Variants in TENM2 observed in about 807,000 individuals in gnomAD.
TENM2 encodes the protein teneurin transmembrane protein 2, also known as teneurin-2.
Under a neutral mutation model 245.2 loss-of-function variants are expected in TENM2, and 52 were observed. The ratio of observed to expected loss-of-function variants is 0.21; its 90% CI spans 0.17 to 0.27. TENM2 has a LOEUF of 0.27. Ranked by LOEUF, TENM2 falls within the 10% of genes least tolerant of loss-of-function variation. The pLI, the probability that TENM2 is intolerant of heterozygous loss-of-function variation, is 1.00. For missense variants in TENM2, 3,046 were observed against 3,666.8 expected, an observed-to-expected ratio of 0.83 and a Z score of 4.37; for synonymous variants, 1,363 against 1,438.9, an observed-to-expected ratio of 0.95 and a Z score of 1.19.
the TENM2 span, among the ~76,000 whole-genome samples, chr5:167,242,897 G>A: frequency 6.6e-6 from 1 of 152,074 alleles, no homozygotes; most frequent in African/African-American, 2.4e-5. Context: ...ATGTTTGTGT[G>A]TAGACGAAAA....
At chr5:167,716,112 T>C (rs965571507) in intron 2 of TENM2, among the ~76,000 whole-genome samples, 4 of 152,176 alleles carry the variant, frequency 2.6e-5, no homozygotes, top group African/African-American at 9.7e-5. Flanking sequence ...TGGAGGAGCA[T>C]GGCCCCCCAT....
chr5:168,068,212 G>A (rs1009693998), intron 7 of TENM2, among the ~76,000 whole-genome samples: 1 of 152,126 alleles, frequency 6.6e-6, no homozygotes. Context: ...TGTGAAGGGT[G>A]CACAGGAGGG....
exon 21 of TENM2, chr5:168,215,265 C>A: frequency 6.2e-7 from 1 of 1,613,414 alleles, no homozygotes; most frequent in East Asian, 2.2e-5. Flanking sequence ...CCCTGATGAG[C>A]CCGAGAGGTA....
intron 2 of TENM2, among the ~76,000 whole-genome samples, chr5:167,472,928 T>C (rs764639161): frequency 4.6e-5 from 7 of 152,176 alleles, no homozygotes; most frequent in Non-Finnish European, 8.8e-5. Context: ...TGACTTTCAG[T>C]GTGACCTTGA....
At chr5:168,043,328 AT>A (rs1163115815) in intron 5 of TENM2, among the ~76,000 whole-genome samples, 2 of 152,142 alleles carry the variant, frequency 1.3e-5, no homozygotes, top group African/African-American at 4.8e-5. Context: ...GCCTCAGGCA[AT>A]CCTCTTGCCT....
In TENM2 at chr5:167,741,628, G is replaced by A. The variant is rs144005046; in HGVS notation, c.503-134358G>A. 4.3e-4 allele frequency among the ~76,000 whole-genome samples: 65 copies of A among 152,214 alleles called. 1 individual carries two copies. The East Asian group carries it at 0.012, about 28-fold the overall frequency. On this transcript the variant is annotated intron_variant, in intron 2 of 28. Coordinates refer to ENST00000518659, the Ensembl canonical transcript of TENM2. ...GCATCTCCCCTGATTTTCAGATTCT[G>A]CTATCACCTCAGCTTCAACATATTG...
chr5:168,219,111 C>CTT, intron 23 of TENM2, 112 bp downstream of exon 25: 1 of 1,098,276 alleles, frequency 9.1e-7, no homozygotes, highest in African/African-American at 1.6e-5. Flanking sequence ...GTCTTTCTAA[C>CTT]TTTAATGATG....
intron 2 of TENM2, among the ~76,000 whole-genome samples, chr5:167,859,372 G>A (rs1771452947): frequency 3.4e-5 from 5 of 149,144 alleles, no homozygotes; most frequent in African/African-American, 7.4e-5. Context: ...CCGTCCGGGA[G>A]GGAGGTGGGG....
the TENM2 span, among the ~76,000 whole-genome samples, chr5:167,037,985 G>A: frequency 7.2e-5 from 11 of 152,322 alleles, no homozygotes; most frequent in South Asian, 2.1e-3. Context: ...TGAAGGAAAC[G>A]ATGTGCTTTC....
chr5:167,515,051 T>C (rs1200390146), intron 2 of TENM2, among the ~76,000 whole-genome samples: 1 of 151,970 alleles, frequency 6.6e-6, no homozygotes, highest in African/African-American at 2.4e-5. Context: ...GTAAACTGCA[T>C]GTATGGAAAG....
chr5:167,519,498 A>G (rs1770616163), intron 2 of TENM2, among the ~76,000 whole-genome samples: 2 of 152,148 alleles, frequency 1.3e-5, no homozygotes, highest in South Asian at 4.1e-4. Context: ...AAAACCATGC[A>G]CTTTAAAAAA....
chr5:167,906,928 C>T (rs1004093261), intron 3 of TENM2, among the ~76,000 whole-genome samples: 6 of 152,098 alleles, frequency 3.9e-5, no homozygotes, highest in African/African-American at 7.2e-5. Flanking sequence ...ATGCAGCAGA[C>T]GACATCTAAA....
At chr5:167,975,434 G>T (rs2151948617) in intron 4 of TENM2, among the ~76,000 whole-genome samples, 1 of 150,800 alleles carries the variant, frequency 6.6e-6, no homozygotes, top group African/African-American at 2.4e-5. Flanking sequence ...CTAAATGATG[G>T]TTACCTTTCT....
intron 25 of TENM2, among the ~76,000 whole-genome samples, chr5:168,233,000 T>G (rs1212045289): frequency 6.6e-6 from 1 of 152,178 alleles, no homozygotes; most frequent in Non-Finnish European, 1.5e-5. Context: ...CGCATTGTCC[T>G]CCATTCCTTT....
the TENM2 span, among the ~76,000 whole-genome samples, chr5:167,016,311 G>A: frequency 1.1e-4 from 16 of 148,772 alleles, no homozygotes; most frequent in South Asian, 1.1e-3. Flanking sequence ...AGGGAGAGAG[G>A]CCTCCTGTCT....
chr5:167,579,511 C>G (rs1397415201), intron 2 of TENM2, among the ~76,000 whole-genome samples: 1 of 152,134 alleles, frequency 6.6e-6, no homozygotes, highest in Non-Finnish European at 1.5e-5. Flanking sequence ...CCAGAGCTAC[C>G]TTCTCATCAT....
intron 2 of TENM2, among the ~76,000 whole-genome samples, chr5:167,486,624 G>T (rs549339989): frequency 1.3e-5 from 2 of 152,064 alleles, no homozygotes; most frequent in Non-Finnish European, 2.9e-5. Context: ...CACCGTGCCC[G>T]GCCTGCCATT....
intron 9 of TENM2, among the ~76,000 whole-genome samples, chr5:168,106,825 C>T (rs775988050): frequency 6.6e-6 from 1 of 152,166 alleles, no homozygotes; most frequent in Non-Finnish European, 1.5e-5. Flanking sequence ...CTCTGGGAGG[C>T]CAAGACAGGC....
chr5:167,408,562 C>T (rs1728076308), intron 2 of TENM2, among the ~76,000 whole-genome samples: 1 of 151,998 alleles, frequency 6.6e-6, no homozygotes, highest in Non-Finnish European at 1.5e-5. Flanking sequence ...TCTGATAATA[C>T]TTTACTGCGG....
Sources: allele counts gnomAD v4.1 joint callset (sites outside exome capture counted in the v4.1 genomes callset), GRCh38; gene constraint gnomAD v4.1.1; transcripts MANE v1.5; gene names NCBI Gene and HGNC (gene_info 2026-07-23, HGNC 2026-07-21).